ZNF738: variants seen among roughly 807,000 people sequenced by gnomAD.
The protein encoded by ZNF738 is protein ZNF738.
Under a neutral mutation model 9.2 loss-of-function variants are expected in ZNF738, and 10 were observed. The observed-to-expected ratio is 1.09, with a 90% CI of 0.67 to 1.85. ZNF738 has a LOEUF of 1.85. Among genes scored for constraint, ZNF738 ranks in the 40% most tolerant of loss-of-function variants. The pLI, the probability that ZNF738 is intolerant of heterozygous loss-of-function variation, is 0.00. For missense variants in ZNF738, 346 were observed against 283.6 expected, an observed-to-expected ratio of 1.22 and a Z score of -1.58; for synonymous variants, 113 against 94.5, an observed-to-expected ratio of 1.20 and a Z score of -1.14.
intron 4 of ZNF738, chr19:21,381,415 T>G (rs1974002476): frequency 1.3e-6 from 2 of 1,511,384 alleles, no homozygotes; most frequent in Non-Finnish European, 1.8e-6. Flanking sequence ...TCTTTGTATA[T>G]TCTAGAGTAT....
rs569763815 is a variant in ZNF738 at position 21,374,827 on chromosome 19, G to GA, written c.97-400dup. 3.0e-4 allele frequency among the ~76,000 whole-genome samples: 44 copies of GA among 145,962 alleles called. 1 individual carries two copies. The highest frequency in any genetic ancestry group is 1.1e-3 in the South Asian group (5 of 4,660). ...TCTCAGACTTTATTTCACATCTTCT[G>GA]AAAAAAAAAAATCTGCATAAGATCT... On this transcript the variant is annotated intron_variant, in intron 2 of 4. Transcript: ENST00000683779.
intron 4 of ZNF738, chr19:21,378,222 T>G (rs1399455043): frequency 1.4e-5 from 5 of 348,268 alleles, no homozygotes; most frequent in Non-Finnish European, 2.6e-5. Context: ...TCTTTCAAAT[T>G]TTGGGGAATA....
At chr19:21,375,706 A>G (rs1439800377) in intron 3 of ZNF738, among the ~76,000 whole-genome samples, 163 bp from the exon 4 acceptor site, 1 of 152,208 alleles carries the variant, frequency 6.6e-6, no homozygotes, top group Admixed American at 6.5e-5. Context: ...AAGGACCTAC[A>G]AATTTAAAAT....
At position 21,383,818 on chromosome 19, in the gene ZNF738, A is replaced by T; in HGVS notation, c.*144A>T. ...CTACTCATGAAAATTCATTCTGGAG[A>T]GAAACCCTACAAATGTGGAGAATGT... On this transcript the variant is annotated 3_prime_UTR_variant, in exon 5 of 5. Transcript: ENST00000683779. 14 of 1,284,668 alleles carry T rather than the reference A, an allele frequency of 1.1e-5. No homozygotes were observed. Among genetic ancestry groups the T allele is most frequent in the Non-Finnish European group, 1.6e-5 (14 of 886,506 alleles). The allele number at this position is 1,284,668 out of a possible 1,614,324, so 79.6% of individuals were successfully genotyped here.
rs1335628563 is a variant in ZNF738, at chr19:21,387,304, T to TC, written c.*3631dup. ...CCCAGGTTCAAGTGATTCTCCTACCTCAGCCTCCCAAGTAGCTGGGATTAC... is the reference window on the plus strand; with the variant it reads ...CCCAGGTTCAAGTGATTCTCCTACCTCCAGCCTCCCAAGTAGCTGGGATTAC... On this transcript the variant is annotated 3_prime_UTR_variant, in exon 5 of 5. Transcript: ENST00000683779. 1 of 152,334 alleles carries TC rather than the reference T, an allele frequency of 6.6e-6. No individual in the cohort carries two copies. Among genetic ancestry groups the TC allele is most frequent in the African/African-American group, 2.4e-5 (1 of 41,446 alleles). 9.4% of individuals were successfully genotyped at this position (152,334 alleles called of 1,614,324 possible).
intron 2 of ZNF738, among the ~76,000 whole-genome samples, chr19:21,367,446 C>T (rs1191897299): frequency 3.3e-5 from 5 of 151,908 alleles, no homozygotes; most frequent in Admixed American, 3.3e-4. Flanking sequence ...GAGACTGAGC[C>T]CTGAATCAGG....
rs948745401 is a variant in ZNF738, at chr19:21,359,031, G to A, written c.-110G>A. 2 of 795,460 alleles carry A rather than the reference G, an allele frequency of 2.5e-6. No homozygotes were observed. The highest frequency in any genetic ancestry group is 4.5e-6 in the Non-Finnish European group (2 of 440,550). 49.3% of individuals were successfully genotyped at this position (795,460 alleles called of 1,614,324 possible). On this transcript the variant is annotated 5_prime_UTR_variant, in exon 1 of 5. Transcript: ENST00000683779. ...GGCTGCCGCTGGAACTCCGGGTCTC[G>A]TCTTCACTGCTCTGTGTCCTCTGCT...
chr19:21,365,736 C>T (rs906297472), intron 2 of ZNF738, among the ~76,000 whole-genome samples: 2 of 152,036 alleles, frequency 1.3e-5, no homozygotes, highest in African/African-American at 4.8e-5. Context: ...GCGGGTGGAT[C>T]GCTTGAGGTC....
chr19:21,383,240 T>C lies in ZNF738; in HGVS notation c.694T>C (p.Tyr232His). ...HKIIHIRENSYQCEECGKAFK... is the reference protein window; with the variant it reads ...HKIIHIRENSHQCEECGKAFK... ...AATAATTCATATTAGAGAGAATTCTTACCAATGTGAAGAATGTGGCAAAGC... is the reference window on the plus strand; with the variant it reads ...AATAATTCATATTAGAGAGAATTCTCACCAATGTGAAGAATGTGGCAAAGC... The change falls in exon 5 of 5, where the codon TAC becomes CAC. Residue 232 changes from tyrosine (Y) to histidine (H), a missense_variant. Physicochemically the swap from Tyr to His is moderately conservative, Grantham distance 83 (BLOSUM62 2). Transcript: ENST00000683779. 6.3e-7 allele frequency: 1 copy of C among 1,590,866 alleles called. No individual in the cohort carries two copies. Among genetic ancestry groups the C allele is most frequent in the Non-Finnish European group, 8.6e-7 (1 of 1,162,302 alleles).
At chr19:21,361,973 C>G (rs1035486667) in intron 2 of ZNF738, 115 bp downstream of exon 2, 3 of 586,154 alleles carry the variant, frequency 5.1e-6, no homozygotes, top group Non-Finnish European at 6.2e-6. Context: ...TCCAGCTACT[C>G]GGGGTTGCTG....
chr19:21,383,530 C>G lies in ZNF738; in HGVS notation c.984C>G (p.Phe328Leu). 1 of 946,864 alleles carries G rather than the reference C, an allele frequency of 1.1e-6. No homozygotes were observed. The allele number at this position is 946,864 out of a possible 1,614,324, so 58.7% of individuals were successfully genotyped here. ...CEGCGKAFCQ[F>L]SYLTKHKIIH... ...GATGTGGCAAAGCTTTCTGCCAATT[C>G]TCATACCTTACTAAACATAAGATAA... Residue 328 changes from phenylalanine (F) to leucine (L), a missense_variant, in exon 5 of 5, where the codon TTC becomes TTG. Physicochemically the swap from Phe to Leu is conservative, Grantham distance 22. Transcript: ENST00000683779.
Position 21,386,387 on chromosome 19 carries a change from A to AT in ZNF738, c.*2714dup. 1 of 312,480 alleles carries AT rather than the reference A, an allele frequency of 3.2e-6. No homozygotes were observed. The highest frequency in any genetic ancestry group is 3.3e-5 in the South Asian group (1 of 30,334). 19.4% of individuals were successfully genotyped at this position (312,480 alleles called of 1,614,324 possible). A position where few individuals can be genotyped will look rare whatever the true frequency, so the allele number is the denominator to read the frequency against. ...AATCAATCCTCAAACCTTACTAAACATAAGATAACTCATACTGGAGAAAAA... is the reference window on the plus strand; with the variant it reads ...AATCAATCCTCAAACCTTACTAAACATTAAGATAACTCATACTGGAGAAAAA... On this transcript the variant is annotated 3_prime_UTR_variant, in exon 5 of 5. Transcript: ENST00000683779.
intron 2 of ZNF738, among the ~76,000 whole-genome samples, chr19:21,374,298 CTACTT>C (rs572117054): frequency 2.3e-3 from 356 of 152,266 alleles, no homozygotes; most frequent in African/African-American, 8.3e-3. Context: ...TAAAGAAAGA[CTACTT>C]TAAATTGTTA....
In ZNF738 at chr19:21,387,457, TG is replaced by T. The variant is rs1478489081; in HGVS notation, c.*3786del. Among the ~76,000 whole-genome samples the T allele has an allele frequency of 6.6e-6, 1 of 152,194 alleles. No homozygotes were observed. Among genetic ancestry groups the T allele is most frequent in the Non-Finnish European group, 1.5e-5 (1 of 68,030 alleles). On this transcript the variant is annotated 3_prime_UTR_variant, in exon 5 of 5. Transcript: ENST00000683779. ...GCCCACCTCGGGCCTCCCAAAGTGC[TG>T]GGATTACAGGCATGAGCCACCACTC...
At position 21,383,893 on chromosome 19, in the gene ZNF738, A is replaced by C; in HGVS notation, c.*219A>C. 7.0e-7 allele frequency: 1 copy of C among 1,425,802 alleles called. No individual in the cohort carries two copies. The highest frequency in any genetic ancestry group is 1.4e-5 in the African/African-American group (1 of 71,460). 88.3% of individuals were successfully genotyped at this position (1,425,802 alleles called of 1,614,324 possible). On this transcript the variant is annotated 3_prime_UTR_variant, in exon 5 of 5. Transcript: ENST00000683779. Reference sequence around the variant, plus strand: ...TACCTTACTACACATAAGATAATTCATACTGGAGAGAAACCCTACAAATGT... The same window carrying C: ...TACCTTACTACACATAAGATAATTCCTACTGGAGAGAAACCCTACAAATGT...
Position 21,377,332 on chromosome 19 carries a change from G to A in ZNF738, c.319+1368G>A. 4.9e-6 allele frequency: 3 copies of A among 612,084 alleles called. No homozygotes were observed. The South Asian group carries it at 5.7e-5, about 12-fold the overall frequency. The allele number at this position is 612,084 out of a possible 1,614,324, so 37.9% of individuals were successfully genotyped here. A position where few individuals can be genotyped will look rare whatever the true frequency, so the allele number is the denominator to read the frequency against. ...AAAAAAAAAAAAATTGTATTATACT[G>A]CCTTCAGTTCCTCTCTTCACTTACT... On this transcript the variant is annotated intron_variant, in intron 4 of 4. Coordinates refer to ENST00000683779, the MANE Select transcript of ZNF738 (RefSeq NM_001355237.2).
chr19:21,387,406 C>T lies in ZNF738; in HGVS notation c.*3732C>T, dbSNP rs554514350. Among the ~76,000 whole-genome samples, 464 of 151,692 alleles carry T rather than the reference C, an allele frequency of 3.1e-3. 3 individuals are homozygous for T. Among genetic ancestry groups the T allele is most frequent in the African/African-American group, 0.011 (443 of 41,390 alleles). On this transcript the variant is annotated 3_prime_UTR_variant, in exon 5 of 5. Coordinates refer to ENST00000683779, the MANE Select transcript of ZNF738 (RefSeq NM_001355237.2). ...GTATGACCATCTTGGCCAGGCTGGTCTCAAACTCCTGACCTCAGGTGATCC... is the reference window on the plus strand; with the variant it reads ...GTATGACCATCTTGGCCAGGCTGGTTTCAAACTCCTGACCTCAGGTGATCC...
chr19:21,371,658 A>C (rs1156601253), intron 2 of ZNF738, among the ~76,000 whole-genome samples: 1 of 152,232 alleles, frequency 6.6e-6, no homozygotes, highest in Non-Finnish European at 1.5e-5. Context: ...ATTAAGCATT[A>C]TATGGTTGGT....
intron 4 of ZNF738, among the ~76,000 whole-genome samples, chr19:21,380,799 A>G (rs1973993511): frequency 6.6e-6 from 1 of 152,122 alleles, no homozygotes; most frequent in Admixed American, 6.6e-5. Context: ...CCACCATGTT[A>G]CTACCAGCAG....
Sources: allele counts gnomAD v4.1 joint callset (sites outside exome capture counted in the v4.1 genomes callset), GRCh38; gene constraint gnomAD v4.1.1; transcripts MANE v1.5; gene names NCBI Gene and HGNC (gene_info 2026-07-23, HGNC 2026-07-21).